TMEM245: variants seen among roughly 807,000 people sequenced by gnomAD.
TMEM245 encodes transmembrane protein 245.
A neutral mutation model predicts 101.2 loss-of-function variants in TMEM245; 69 were observed. The ratio of observed to expected loss-of-function variants is 0.68; its 90% CI spans 0.56 to 0.83. The LOEUF is 0.83. TMEM245 is among the 40% of genes least tolerant of loss of function. The pLI, the probability that TMEM245 is intolerant of heterozygous loss-of-function variation, is 0.00. For missense variants in TMEM245, 1,075 were observed against 1,092.8 expected (o/e 0.98, Z 0.23); for synonymous variants, 537 against 449.8 (o/e 1.19, Z -2.45).
chr9:109,097,241 A>G (rs1366403702), intron 3 of TMEM245, among the ~76,000 whole-genome samples: 2 of 152,236 alleles, frequency 1.3e-5, no homozygotes, highest in East Asian at 3.8e-4. Context: ...GCAGGGGTAG[A>G]AAAGTGTTTC....
intron 12 of TMEM245, among the ~76,000 whole-genome samples, chr9:109,055,698 A>G (rs918656137): frequency 6.6e-6 from 1 of 151,442 alleles, no homozygotes; most frequent in Non-Finnish European, 1.5e-5. Context: ...TCAGTGGCGC[A>G]ATCTCAGCTC....
intron 1 of TMEM245, among the ~76,000 whole-genome samples, chr9:109,110,044 TTTC>T (rs764248497): frequency 5.3e-5 from 8 of 152,184 alleles, no homozygotes; most frequent in East Asian, 3.8e-4. Context: ...CATTAAAATA[TTTC>T]TTCAAGTAAC....
In TMEM245 at chr9:109,063,055, C is replaced by A. The variant is rs1163673332; in HGVS notation, c.1623+1422G>T. 2.6e-5 allele frequency among the ~76,000 whole-genome samples: 4 copies of A among 152,114 alleles called. No homozygotes were observed. In the East Asian group the frequency reaches 7.7e-4, roughly 29 times the overall value. The stretch of plus-strand genomic sequence containing the variant: ...TATGCCTCTGCATATGAGAGGCAAC[C>A]AAGCATGAAGCATAGTCAGAACATC... On this transcript the variant is annotated intron_variant, in intron 10 of 17. Transcript: ENST00000374586.
chr9:109,080,200 G>A (rs1180245521), intron 8 of TMEM245, among the ~76,000 whole-genome samples: 1 of 152,014 alleles, frequency 6.6e-6, no homozygotes, highest in Non-Finnish European at 1.5e-5. Context: ...CAAAATCTGG[G>A]TTGTGGAGTT....
chr9:109,067,460 C>T (rs1411475242), intron 9 of TMEM245, among the ~76,000 whole-genome samples: 4 of 152,288 alleles, frequency 2.6e-5, no homozygotes, highest in Non-Finnish European at 5.9e-5. Context: ...TCTGCCTTCA[C>T]CTTCCTGGGT....
rs12343406 is a variant in TMEM245 at position 109,111,928 on chromosome 9, T to C, written c.580-3358A>G. The stretch of plus-strand genomic sequence containing the variant: ...GGTGCTCAATTTTCTACTAAGGTTA[T>C]GTAGTATCTTTATAAACAGAAAAAG... On this transcript the variant is annotated intron_variant, in intron 1 of 17. Transcript: ENST00000374586. 2.8e-3 allele frequency among the ~76,000 whole-genome samples: 422 copies of C among 152,332 alleles called. 2 individuals carry two copies. The highest frequency in any genetic ancestry group is 5.0e-3 in the Non-Finnish European group (338 of 68,024).
chr9:109,056,120 G>C lies in TMEM245; in HGVS notation c.1854+1071C>G, dbSNP rs765115827. ...AACATCTAAAACTGCAAAACAAAGA[G>C]AGTAGCATAAACATTATTTTAGAAA... On this transcript the variant is annotated intron_variant, in intron 12 of 17. Coordinates refer to ENST00000374586, the MANE Select transcript of TMEM245 (RefSeq NM_032012.4). Among the ~76,000 whole-genome samples, 43 of 152,150 alleles carry C rather than the reference G, an allele frequency of 2.8e-4. 1 individual carries two copies. The highest frequency in any genetic ancestry group is 2.8e-4 in the Non-Finnish European group (19 of 68,036).
intron 7 of TMEM245, among the ~76,000 whole-genome samples, chr9:109,083,577 TTA>T (rs1218167770): frequency 6.6e-6 from 1 of 152,128 alleles, no homozygotes; most frequent in African/African-American, 2.4e-5. Context: ...GTCAGTAAAT[TTA>T]TAGTTACACC....
chr9:109,033,575 A>G, intron 16 of TMEM245, 74 bp from the exon 17 acceptor site: 2 of 1,414,084 alleles, frequency 1.4e-6, no homozygotes, highest in East Asian at 2.3e-5. Flanking sequence ...TACAATGTGC[A>G]TTCTTTAATA....
At chr9:109,066,584 A>G (rs1829176400) in intron 9 of TMEM245, among the ~76,000 whole-genome samples, 1 of 151,984 alleles carries the variant, frequency 6.6e-6, no homozygotes. Flanking sequence ...CTGAAATGTG[A>G]TTCGGGAGAA....
At chr9:109,093,086 G>A (rs940540399) in intron 4 of TMEM245, among the ~76,000 whole-genome samples, 3 of 152,138 alleles carry the variant, frequency 2.0e-5, no homozygotes, top group African/African-American at 7.2e-5. Flanking sequence ...GACAGTTGTA[G>A]AAGAAAGAAA....
intron 9 of TMEM245, among the ~76,000 whole-genome samples, chr9:109,072,955 ACT>A (rs1829379472): frequency 6.6e-6 from 1 of 152,260 alleles, no homozygotes; most frequent in East Asian, 1.9e-4. Context: ...GTTATAAATG[ACT>A]CTGCCACTGC....
chr9:109,101,492 A>G (rs1830281185), intron 3 of TMEM245, among the ~76,000 whole-genome samples: 1 of 152,238 alleles, frequency 6.6e-6, no homozygotes, highest in South Asian at 2.1e-4. Flanking sequence ...TCTTAAAAAG[A>G]AACGATGTTC....
intron 3 of TMEM245, among the ~76,000 whole-genome samples, chr9:109,098,900 A>G (rs1830211833): frequency 6.6e-6 from 1 of 152,220 alleles, no homozygotes; most frequent in African/African-American, 2.4e-5. Flanking sequence ...CACACAAGAA[A>G]GAGACCACAG....
Position 109,015,946 on chromosome 9 carries a change from C to T in TMEM245, c.*4514G>A, listed in dbSNP as rs1260976340. The T allele has an allele frequency of 6.6e-6, 1 of 152,572 alleles. No individual in the cohort carries two copies. The highest frequency in any genetic ancestry group is 1.5e-5 in the Non-Finnish European group (1 of 68,030). 9.5% of individuals were successfully genotyped at this position (152,572 alleles called of 1,614,324 possible). A position where few individuals can be genotyped will look rare whatever the true frequency, so the allele number is the denominator to read the frequency against. On this transcript the variant is annotated 3_prime_UTR_variant, in exon 18 of 18. Transcript: ENST00000374586. ...CCACAGGTGGAAAAGAATCTCTATA[C>T]CTTAAGTATAGCTCTAAACAGCAAA...
At chr9:109,105,289 A>C (rs545577279) in intron 3 of TMEM245, among the ~76,000 whole-genome samples, 1 of 152,384 alleles carries the variant, frequency 6.6e-6, no homozygotes, top group South Asian at 2.1e-4. Context: ...AATGCAAATG[A>C]AAACCATAAT....
intron 8 of TMEM245, among the ~76,000 whole-genome samples, chr9:109,075,040 T>C (rs2132497464): frequency 6.6e-6 from 1 of 152,300 alleles, no homozygotes; most frequent in South Asian, 2.1e-4. Context: ...CTTAGATGTT[T>C]AAAGTAAGTT....
chr9:109,028,172 G>A (rs1001906863), intron 17 of TMEM245, among the ~76,000 whole-genome samples: 6 of 151,520 alleles, frequency 4.0e-5, no homozygotes, highest in Non-Finnish European at 7.4e-5. Flanking sequence ...AATGCTGGCC[G>A]GGCACAGTGG....
In TMEM245 at chr9:109,016,062, T is replaced by G. The variant is rs1359967420; in HGVS notation, c.*4398A>C. 1.3e-5 allele frequency: 2 copies of G among 152,626 alleles called. No homozygotes were observed. The highest frequency in any genetic ancestry group is 2.4e-5 in the African/African-American group (1 of 41,452). The allele number at this position is 152,626 out of a possible 1,614,324, so 9.5% of individuals were successfully genotyped here. A position where few individuals can be genotyped will look rare whatever the true frequency, so the allele number is the denominator to read the frequency against. ...ATTCAGTATTTCCATTAGGGATGTC[T>G]TCTCAAAGAGTTGTAAACTTGATCA... On this transcript the variant is annotated 3_prime_UTR_variant, in exon 18 of 18. Coordinates refer to ENST00000374586, the MANE Select transcript of TMEM245 (RefSeq NM_032012.4).
Sources: allele counts gnomAD v4.1 joint callset (sites outside exome capture counted in the v4.1 genomes callset), GRCh38; gene constraint gnomAD v4.1.1; transcripts MANE v1.5; gene names NCBI Gene and HGNC (gene_info 2026-07-23, HGNC 2026-07-21).